RPL36A: variants seen among roughly 807,000 people sequenced by gnomAD.
RPL36A encodes ribosomal protein L36a, also known as large ribosomal subunit protein eL42.
For missense variants in RPL36A, 20 were observed against 81.0 expected (o/e 0.25, Z 2.89); for synonymous variants, 25 against 28.5 (o/e 0.88, Z 0.39).
In RPL36A at chrX:101,395,770, A is replaced by G. The variant is rs1928003363; in HGVS notation, c.*22A>G. On this transcript the variant is annotated 3_prime_UTR_variant, in exon 5 of 5. Coordinates refer to ENST00000553110, the MANE Select transcript of RPL36A (RefSeq NM_021029.6). The stretch of plus-strand genomic sequence containing the variant: ...CTAAGTGTCATCTTTTATTATGAAG[A>G]CAATAAAATCTTGAGTTTATGTTCA... 4 of 1,188,038 alleles carry G rather than the reference A, an allele frequency of 3.4e-6. No individual in the cohort carries two copies. The East Asian group carries it at 8.9e-5, about 26-fold the overall frequency.
chrX:101,395,723 T>G lies in RPL36A; in HGVS notation c.301-5T>G. 1 of 1,210,211 alleles carries G rather than the reference T, an allele frequency of 8.3e-7. No homozygotes were observed. The highest frequency in any genetic ancestry group is 1.1e-6 in the Non-Finnish European group (1 of 894,281). ...ACAAAACAACTTTTTTCTGTTCTGT[T>G]ACAGGGCCAAGTGATCCAGTTCTAA... On this transcript the variant is annotated splice_region_variant and splice_polypyrimidine_tract_variant and intron_variant, in intron 4 of 4. Coordinates refer to ENST00000553110, the MANE Select transcript of RPL36A (RefSeq NM_021029.6).
At chrX:101,391,429 A>G (rs1555983377) in intron 1 of RPL36A, 30 bp from the exon 2 acceptor site, 1 of 1,205,439 alleles carries the variant, frequency 8.3e-7, no homozygotes, top group Non-Finnish European at 1.1e-6. Context: ...GTCAAATAAC[A>G]TTGCACGTTC....
chrX:101,395,939 A>G lies in RPL36A; in HGVS notation c.*191A>G. ...TGGTTGAGTTCACATCATATGTTGC[A>G]ATTTTCTAATTTGGCACTTCAATCA... On this transcript the variant is annotated 3_prime_UTR_variant, in exon 5 of 5. Transcript: ENST00000553110. The G allele has an allele frequency of 2.3e-6, 1 of 426,017 alleles. No individual in the cohort carries two copies. The highest frequency in any genetic ancestry group is 4.0e-6 in the Non-Finnish European group (1 of 251,614). The allele number at this position is 426,017 out of a possible 1,213,427, so 35.1% of individuals were successfully genotyped here.
intron 3 of RPL36A, among the ~76,000 whole-genome samples, chrX:101,394,523 A>G (rs1158516987): frequency 9.4e-6 from 1 of 106,048 alleles, no homozygotes; most frequent in Non-Finnish European, 1.9e-5. Context: ...ATCCTGCCTC[A>G]GCCTCACAAA....
Position 101,391,581 on chromosome X carries a change from A to G in RPL36A, c.109+17A>G, listed in dbSNP as rs931236792. 1 of 1,209,837 alleles carries G rather than the reference A, an allele frequency of 8.3e-7. No homozygotes were observed. The highest frequency in any genetic ancestry group is 1.1e-6 in the Non-Finnish European group (1 of 893,687). The stretch of plus-strand genomic sequence containing the variant: ...ACGCCCAGGGTAAGATGGATTCCGC[A>G]TAATTTGGTGTTAATGTGACATTTG... On this transcript the variant is annotated intron_variant, in intron 2 of 4. Transcript: ENST00000553110.
At chrX:101,392,432 G>C (rs1555983589) in intron 3 of RPL36A, 1 of 784,388 alleles carries the variant, frequency 1.3e-6, no homozygotes, top group East Asian at 1.2e-4. Context: ...TTCTTGTGCA[G>C]TTTAGCTCCA....
At chrX:101,393,364 C>T (rs1555983780) in intron 3 of RPL36A, 2 of 110,528 alleles carry the variant, frequency 1.8e-5, no homozygotes, top group African/African-American at 6.6e-5. Flanking sequence ...CTTCTGGTGG[C>T]GGGAGGTGGG....
At chrX:101,395,572 C>A in intron 4 of RPL36A, 115 bp downstream of exon 4, 1 of 1,105,539 alleles carries the variant, frequency 9.0e-7, no homozygotes. Flanking sequence ...AATATTAGAT[C>A]TATAGCTAAA....
chrX:101,391,783 T>C lies in RPL36A; in HGVS notation c.138T>C (p.Ser46=), dbSNP rs1555983468. 1 of 1,210,308 alleles carries C rather than the reference T, an allele frequency of 8.3e-7. No homozygotes were observed. Among genetic ancestry groups the C allele is most frequent in the Non-Finnish European group, 1.1e-6 (1 of 895,177 alleles). ...AGCGGCGTTATGACAGGAAGCAGAG[T>C]GGCTATGGTGGGCAAACTAAGCCGA... ...QGKRRYDRKQ[S]GYGGQTKPIF... is the part of the protein sequence containing the mutation. Residue 46 remains serine (S), a synonymous_variant, in exon 3 of 5, where the codon AGT becomes AGC. Transcript: ENST00000553110.
intron 4 of RPL36A, 68 bp from the exon 5 acceptor site, chrX:101,395,660 G>C: frequency 8.6e-7 from 1 of 1,156,772 alleles, no homozygotes; most frequent in Non-Finnish European, 1.2e-6. Context: ...TTTAGGAACA[G>C]ATAATGTTCT....
chrX:101,393,515 A>G (rs1927903002), intron 3 of RPL36A: 1 of 112,500 alleles, frequency 8.9e-6, no homozygotes, highest in African/African-American at 3.2e-5. Context: ...CCTCAAAGAA[A>G]AAATGCAATA....
rs782622772 is a variant in RPL36A at position 101,395,791 on chromosome X, GTTCAC to G, written c.*48_*52del. ...GAAGACAATAAAATCTTGAGTTTATGTTCACTTCATTTGTTTGCTGTTCATCTTTT... is the reference window on the plus strand; with the variant it reads ...GAAGACAATAAAATCTTGAGTTTATGTTCATTTGTTTGCTGTTCATCTTTT... On this transcript the variant is annotated 3_prime_UTR_variant, in exon 5 of 5. Transcript: ENST00000553110. 2.7e-5 allele frequency: 30 copies of G among 1,123,785 alleles called. No individual in the cohort carries two copies. Among genetic ancestry groups the G allele is most frequent in the African/African-American group, 3.6e-5 (2 of 55,549 alleles). The allele number at this position is 1,123,785 out of a possible 1,213,427, so 92.6% of individuals were successfully genotyped here. A position where few individuals can be genotyped will look rare whatever the true frequency, so the allele number is the denominator to read the frequency against.
chrX:101,391,195 C>T lies in RPL36A; in HGVS notation c.3+149C>T, dbSNP rs187269060. On this transcript the variant is annotated intron_variant, in intron 1 of 4. Coordinates refer to ENST00000553110, the MANE Select transcript of RPL36A (RefSeq NM_021029.6). ...TTGCCGGGATCAACCCTAAAGGGAC[C>T]GGGCTACGGGGCCAGGAATTGAAGT... The T allele has an allele frequency of 4.4e-4, 302 of 691,333 alleles. 1 individual carries two copies. In the African/African-American group the frequency reaches 5.4e-3, roughly 12 times the overall value. 57.0% of individuals were successfully genotyped at this position (691,333 alleles called of 1,213,427 possible).
chrX:101,393,092 C>T (rs1221885876), intron 3 of RPL36A: 12 of 76,927 alleles, frequency 1.6e-4, no homozygotes, highest in African/African-American at 5.9e-4. Flanking sequence ...CCAGCCTGGG[C>T]GACAGAGCAA....
intron 2 of RPL36A, 93 bp from the exon 3 acceptor site, chrX:101,391,662 G>GT: frequency 8.4e-7 from 1 of 1,196,120 alleles, no homozygotes; most frequent in East Asian, 3.0e-5. Context: ...TGGCTTGAGC[G>GT]TTAATATTTC....
rs782496796 is a variant in RPL36A, at chrX:101,396,095, T to G, written c.*347T>G. On this transcript the variant is annotated 3_prime_UTR_variant, in exon 5 of 5. Coordinates refer to ENST00000553110, the MANE Select transcript of RPL36A (RefSeq NM_021029.6). Reference sequence around the variant, plus strand: ...GAATATGAGATGTCTTTGCTAAGAGTTAAGTGTCAGATCTTTGTTATAACA... The same window carrying G: ...GAATATGAGATGTCTTTGCTAAGAGGTAAGTGTCAGATCTTTGTTATAACA... The G allele has an allele frequency of 1.5e-5, 3 of 206,592 alleles. No homozygotes were observed. The highest frequency in any genetic ancestry group is 2.6e-5 in the Non-Finnish European group (3 of 115,050). The allele number at this position is 206,592 out of a possible 1,213,427, so 17.0% of individuals were successfully genotyped here. A position where few individuals can be genotyped will look rare whatever the true frequency, so the allele number is the denominator to read the frequency against.
Position 101,391,829 on chromosome X carries a change from G to A in RPL36A, c.177+7G>A. 8.3e-7 allele frequency: 1 copy of A among 1,207,150 alleles called. No homozygotes were observed. Among genetic ancestry groups the A allele is most frequent in the African/African-American group, 1.7e-5 (1 of 57,571 alleles). Reference sequence around the variant, plus strand: ...GCCGATTTTCCGGAAAAAGGTGAGTGGTAGTTACTATTTGACGTTTCCCAG... The same window carrying A: ...GCCGATTTTCCGGAAAAAGGTGAGTAGTAGTTACTATTTGACGTTTCCCAG... On this transcript the variant is annotated splice_region_variant and intron_variant, in intron 3 of 4. Coordinates refer to ENST00000553110, the MANE Select transcript of RPL36A (RefSeq NM_021029.6).
At position 101,395,303 on chromosome X, in the gene RPL36A, T is replaced by C. The variant is rs1171988698; in HGVS notation, c.178-32T>C. 5.2e-6 allele frequency: 6 copies of C among 1,157,374 alleles called. No homozygotes were observed. The South Asian group carries it at 1.0e-4, about 20-fold the overall frequency. ...TGAAGAAAGTGATCTTCTGTAGTTA[T>C]TTATTAAGGCTTTAATTTAATTTTT... On this transcript the variant is annotated intron_variant, in intron 3 of 4. Transcript: ENST00000553110.
chrX:101,393,596 G>A (rs1269398247), intron 3 of RPL36A: 2 of 111,982 alleles, frequency 1.8e-5, no homozygotes, highest in African/African-American at 3.2e-5. Context: ...CAACAGTCAC[G>A]AGTCATGTTG....
Sources: gnomAD v4.1 joint callset for allele counts (sites outside exome capture counted in the v4.1 genomes callset) on GRCh38, gnomAD v4.1.1 for gene constraint, MANE v1.5 for transcripts, NCBI Gene and HGNC (gene_info 2026-07-23, HGNC 2026-07-21) for gene names.